The following STX3 variants were observed in gnomAD, a reference collection of about 807,000 sequenced individuals.
STX3 encodes syntaxin 3.
A neutral mutation model predicts 40.2 loss-of-function variants in STX3; 19 were observed. That is an observed-to-expected ratio of 0.47 (90% CI 0.33 to 0.69). The LOEUF is 0.69. Ranked by LOEUF, STX3 falls within the 30% of genes least tolerant of loss-of-function variation. The pLI is 0.02. For missense variants in STX3, 364 were observed against 366.7 expected (o/e 0.99, Z 0.06); for synonymous variants, 122 against 132.2 (o/e 0.92, Z 0.53).
intron 1 of STX3, among the ~76,000 whole-genome samples, chr11:59,762,673 A>G (rs1863096336): frequency 6.6e-6 from 1 of 151,872 alleles, no homozygotes; most frequent in Admixed American, 6.6e-5. Context: ...ACTGAATGCC[A>G]TGGTGGTGTC....
intron 4 of STX3, among the ~76,000 whole-genome samples, chr11:59,790,103 T>G (rs1250176893): frequency 6.6e-6 from 1 of 152,212 alleles, no homozygotes; most frequent in Non-Finnish European, 1.5e-5. Context: ...GTAATAACAG[T>G]GATAGTGCAC....
chr11:59,799,181 C>T (rs1349809884), intron 10 of STX3, among the ~76,000 whole-genome samples: 1 of 152,156 alleles, frequency 6.6e-6, no homozygotes, highest in South Asian at 2.1e-4. Context: ...TGAGCCACTG[C>T]GCCCAGCCAG....
intron 1 of STX3, among the ~76,000 whole-genome samples, chr11:59,767,179 G>A (rs1863321903): frequency 6.6e-6 from 1 of 152,174 alleles, no homozygotes; most frequent in East Asian, 1.9e-4. Flanking sequence ...TGGATTTGGG[G>A]GCACACTTGA....
chr11:59,799,573 T>C (rs1203619981), intron 10 of STX3: 1 of 818,390 alleles, frequency 1.2e-6, no homozygotes, highest in Non-Finnish European at 1.5e-6. Context: ...CCAACTCATA[T>C]AAGTTGGAGT....
At chr11:59,785,812 G>A (rs557226375) in intron 2 of STX3, among the ~76,000 whole-genome samples, 5 of 152,236 alleles carry the variant, frequency 3.3e-5, no homozygotes, top group African/African-American at 1.2e-4. Flanking sequence ...TTGTTGCAAT[G>A]TTGATGTGCC....
intron 2 of STX3, among the ~76,000 whole-genome samples, chr11:59,786,243 C>A (rs1211418885): frequency 1.5e-5 from 2 of 135,534 alleles, no homozygotes; most frequent in South Asian, 4.8e-4. Context: ...TTCTTTCTTT[C>A]TTTTTTTTTT....
At chr11:59,791,984 T>A in intron 5 of STX3, 123 bp from the exon 6 acceptor site, 1 of 811,992 alleles carries the variant, frequency 1.2e-6, no homozygotes. Flanking sequence ...AAAACTTGGT[T>A]TGACACCTGG....
intron 1 of STX3, among the ~76,000 whole-genome samples, chr11:59,756,298 T>C (rs902238180): frequency 6.6e-6 from 1 of 152,238 alleles, no homozygotes; most frequent in Admixed American, 6.5e-5. Context: ...TGTTTCCTTA[T>C]CTATCAAATG....
chr11:59,786,843 A>C (rs76671733), intron 2 of STX3, among the ~76,000 whole-genome samples, 194 bp from the exon 3 acceptor site: 2 of 152,050 alleles, frequency 1.3e-5, no homozygotes, highest in African/African-American at 2.4e-5. Flanking sequence ...ATTTTTAACA[A>C]CTGTTCTGTT....
intron 9 of STX3, among the ~76,000 whole-genome samples, chr11:59,796,826 C>A (rs1026232646): frequency 1.1e-4 from 16 of 152,104 alleles, no homozygotes; most frequent in Admixed American, 6.5e-5. Flanking sequence ...TTAAACTGTC[C>A]TAGGCTGGGT....
rs187401202 is a variant in STX3, at chr11:59,785,152, G to T, written c.115-1885G>T. Among the ~76,000 whole-genome samples the T allele has an allele frequency of 6.4e-4, 97 of 152,240 alleles. 1 individual carries two copies. The highest frequency in any genetic ancestry group is 1.5e-4 in the Non-Finnish European group (10 of 68,014). On this transcript the variant is annotated intron_variant, in intron 2 of 10. Transcript: ENST00000337979. ...CCTGTATGTATGTTTACACTCCCAT[G>T]ATATTATTACATTGTAATTTTATTC...
chr11:59,779,292 C>A (rs1864198370), intron 2 of STX3, among the ~76,000 whole-genome samples: 1 of 152,150 alleles, frequency 6.6e-6, no homozygotes, highest in African/African-American at 2.4e-5. Context: ...CTGGTGAGGA[C>A]CCTCTTCTGG....
At position 59,775,277 on chromosome 11, in the gene STX3, A is replaced by G. The variant is rs368915967; in HGVS notation, c.114+1983A>G. 2.0e-5 allele frequency among the ~76,000 whole-genome samples: 3 copies of G among 152,368 alleles called. No homozygotes were observed. The East Asian group carries it at 5.8e-4, about 29-fold the overall frequency. ...TCCATCAGAGTCATAGTGAGATCAA[A>G]CAACACTTAGGCTTTGTGAGTCCAG... On this transcript the variant is annotated intron_variant, in intron 2 of 10. Coordinates refer to ENST00000337979, the MANE Select transcript of STX3 (RefSeq NM_004177.5).
intron 2 of STX3, among the ~76,000 whole-genome samples, chr11:59,782,973 T>C (rs1864499922): frequency 6.6e-6 from 1 of 151,220 alleles, no homozygotes; most frequent in African/African-American, 2.4e-5. Context: ...CACTCTAGCC[T>C]GGGCAACAGA....
chr11:59,800,536 G>A (rs1865828761), intron 10 of STX3: 6 of 985,222 alleles, frequency 6.1e-6, no homozygotes, highest in South Asian at 4.7e-5. Flanking sequence ...CTTCAGGAGC[G>A]GTGTTGCTGT....
intron 2 of STX3, among the ~76,000 whole-genome samples, chr11:59,785,153 A>T (rs2134984903): frequency 6.6e-6 from 1 of 152,148 alleles, no homozygotes; most frequent in East Asian, 1.9e-4. Context: ...CACTCCCATG[A>T]TATTATTACA....
At chr11:59,788,678 T>C (rs930680967) in intron 3 of STX3, among the ~76,000 whole-genome samples, 195 bp from the exon 4 acceptor site, 6 of 152,094 alleles carry the variant, frequency 3.9e-5, no homozygotes, top group South Asian at 4.2e-4. Flanking sequence ...TGAGATGGGG[T>C]GCCTGGAAAA....
At position 59,773,211 on chromosome 11, in the gene STX3, A is replaced by C; in HGVS notation, c.31A>C (p.Lys11Gln). The C allele has an allele frequency of 6.2e-7, 1 of 1,613,956 alleles. No homozygotes were observed. The highest frequency in any genetic ancestry group is 8.5e-7 in the Non-Finnish European group (1 of 1,179,932). MKDRLEQLKA[K>Q]QLTQDDDTDA... is the part of the protein sequence containing the mutation. ...CTCTGCTCTTTTTTGCCTTTTGCAGAAGCAGCTGACACAGGATGATGATAC... is the reference window on the plus strand; with the variant it reads ...CTCTGCTCTTTTTTGCCTTTTGCAGCAGCAGCTGACACAGGATGATGATAC... The change falls in exon 2 of 11, where the codon AAG becomes CAG. Residue 11 changes from lysine (K) to glutamine (Q), a missense_variant and splice_region_variant. Physicochemically the swap from Lys to Gln is moderately conservative, Grantham distance 53 (BLOSUM62 1). Coordinates refer to ENST00000337979, the MANE Select transcript of STX3 (RefSeq NM_004177.5).
chr11:59,783,114 A>T (rs1864517853), intron 2 of STX3, among the ~76,000 whole-genome samples: 1 of 152,244 alleles, frequency 6.6e-6, no homozygotes. Flanking sequence ...CTTGGTCAGC[A>T]ATACTTCTTG....
Sources: gnomAD v4.1 joint callset for allele counts (sites outside exome capture counted in the v4.1 genomes callset) on GRCh38, gnomAD v4.1.1 for gene constraint, MANE v1.5 for transcripts, NCBI Gene and HGNC (gene_info 2026-07-23, HGNC 2026-07-21) for gene names.